The following ETNK2 variants were observed in gnomAD, a reference collection of about 807,000 sequenced individuals.
The protein encoded by ETNK2 is ethanolamine kinase 2.
ETNK2 carries 33 observed loss-of-function variants against 46.2 expected under a neutral mutation model. The ratio of observed to expected loss-of-function variants is 0.71; its 90% CI spans 0.54 to 0.96. The LOEUF is 0.96. Among genes scored for constraint, ETNK2 ranks in the 40% least tolerant of loss-of-function variants. ETNK2 has a pLI of 0.00. For synonymous variants in ETNK2, 194 were observed against 209.0 expected, an observed-to-expected ratio of 0.93 and a Z score of 0.62; for missense variants, 445 against 509.7, an observed-to-expected ratio of 0.87 and a Z score of 1.22.
At chr1:204,138,296 C>A (rs893539074) in intron 5 of ETNK2, among the ~76,000 whole-genome samples, 1 of 152,176 alleles carries the variant, frequency 6.6e-6, no homozygotes, top group Admixed American at 6.5e-5. Flanking sequence ...ATCTCCCTAG[C>A]TCTCTTCCTT....
In ETNK2 at chr1:204,134,608, G is replaced by A. The variant is rs1657209648; in HGVS notation, c.1015-20C>T. The A allele has an allele frequency of 6.2e-7, 1 of 1,614,046 alleles. No individual in the cohort carries two copies. The highest frequency in any genetic ancestry group is 8.5e-7 in the Non-Finnish European group (1 of 1,179,902). On this transcript the variant is annotated intron_variant, in intron 6 of 7. Transcript: ENST00000367202. ...AGACGCCTGGAAACAGACCAGAGAG[G>A]GTCAGCCTGGCAATCTCCCCATGCC...
At chr1:204,133,835 C>G (rs1439576524) in intron 7 of ETNK2, among the ~76,000 whole-genome samples, 1 of 152,172 alleles carries the variant, frequency 6.6e-6, no homozygotes, top group Non-Finnish European at 1.5e-5. Context: ...CCGGCCTCAC[C>G]GTGCTCTTCA....
In ETNK2 at chr1:204,131,250, AGGCCCTGGGG is replaced by A. The variant is rs1244323664; in HGVS notation, c.*924_*933del. 1.3e-5 allele frequency: 2 copies of A among 152,288 alleles called. No homozygotes were observed. The highest frequency in any genetic ancestry group is 4.8e-5 in the African/African-American group (2 of 41,406). The allele number at this position is 152,288 out of a possible 1,614,324, so 9.4% of individuals were successfully genotyped here. Reference sequence around the variant, plus strand: ...GATCCTGCCCAGGCTCTCCCACGATAGGCCCTGGGGGGCCCTGGCCCCCACCCCATCCTCT... The same window carrying A: ...GATCCTGCCCAGGCTCTCCCACGATAGGCCCTGGCCCCCACCCCATCCTCT... On this transcript the variant is annotated 3_prime_UTR_variant, in exon 8 of 8. Coordinates refer to ENST00000367202, the MANE Select transcript of ETNK2 (RefSeq NM_018208.4). This position sits in a 1 kb window ranked among gnomAD's most constrained non-coding sequence, Gnocchi z 4.3.
chr1:204,132,318 G>A, intron 7 of ETNK2, 62 bp from the exon 8 acceptor site: 1 of 1,358,646 alleles, frequency 7.4e-7, no homozygotes, highest in South Asian at 1.2e-5. Context: ...CCTGCTGGGG[G>A]TGCTGACATC....
chr1:204,131,862 A>G lies in ETNK2; in HGVS notation c.*322T>C, dbSNP rs1309119677. 2.8e-6 allele frequency: 1 copy of G among 357,380 alleles called. No homozygotes were observed. The allele number at this position is 357,380 out of a possible 1,614,324, so 22.1% of individuals were successfully genotyped here. On this transcript the variant is annotated 3_prime_UTR_variant, in exon 8 of 8. Transcript: ENST00000367202. This position sits in a 1 kb window ranked among gnomAD's most constrained non-coding sequence, Gnocchi z 4.3. ...GTAAACACACATATAAGGCAGCCCC[A>G]ATTCCAGCAGGGCCTGAGGCTGGGA...
In ETNK2 at chr1:204,132,052, G is replaced by C. The variant is rs1342976600; in HGVS notation, c.*132C>G. 6 of 750,086 alleles carry C rather than the reference G, an allele frequency of 8.0e-6. No homozygotes were observed. Among genetic ancestry groups the C allele is most frequent in the Non-Finnish European group, 1.4e-5 (6 of 425,974 alleles). The allele number at this position is 750,086 out of a possible 1,614,324, so 46.5% of individuals were successfully genotyped here. ...CCACTGGGGTCTGGCGGCAGGGACA[G>C]AGCCTTCTCCCTGGACACCCATGTG... On this transcript the variant is annotated 3_prime_UTR_variant, in exon 8 of 8. Coordinates refer to ENST00000367202, the MANE Select transcript of ETNK2 (RefSeq NM_018208.4).
chr1:204,144,345 C>CAAAAAAAAAAAAAAAAAAAAAAAAAA (rs141761706), intron 3 of ETNK2, among the ~76,000 whole-genome samples: 5 of 33,342 alleles, frequency 1.5e-4, no homozygotes, highest in Non-Finnish European at 2.0e-4. Flanking sequence ...GAATCCATCT[C>CAAAAAAAAAAAAAAAAAAAAAAAAAA]AAAAAAAAAA....
Position 204,137,266 on chromosome 1 carries a change from C to T in ETNK2, c.869-17G>A. The T allele has an allele frequency of 6.2e-7, 1 of 1,611,916 alleles. No homozygotes were observed. Among genetic ancestry groups the T allele is most frequent in the Non-Finnish European group, 8.5e-7 (1 of 1,178,764 alleles). ...CATTCACGCCTGAGGGGGAGGCAGGCCAGACAAAGTTGCTCAGAGATGGGC... is the reference window on the plus strand; with the variant it reads ...CATTCACGCCTGAGGGGGAGGCAGGTCAGACAAAGTTGCTCAGAGATGGGC... On this transcript the variant is annotated splice_polypyrimidine_tract_variant and intron_variant, in intron 5 of 7. Coordinates refer to ENST00000367202, the MANE Select transcript of ETNK2 (RefSeq NM_018208.4).
At position 204,148,569 on chromosome 1, in the gene ETNK2, G is replaced by GACAC. The variant is rs61199759; in HGVS notation, c.518+1130_518+1133dup. On this transcript the variant is annotated intron_variant, in intron 2 of 7. Coordinates refer to ENST00000367202, the MANE Select transcript of ETNK2 (RefSeq NM_018208.4). ...GTCTGTATGCCTCTCACACCCTCAAGACACACACACACACACACACACACA... is the reference window on the plus strand; with the variant it reads ...GTCTGTATGCCTCTCACACCCTCAAGACACACACACACACACACACACACACACA... Among the ~76,000 whole-genome samples, 352 of 145,324 alleles carry GACAC rather than the reference G, an allele frequency of 2.4e-3. 2 individuals carry two copies. The highest frequency in any genetic ancestry group is 3.4e-3 in the Middle Eastern group (1 of 290).
intron 3 of ETNK2, chr1:204,141,673 T>G: frequency 1.7e-6 from 1 of 572,684 alleles, no homozygotes; most frequent in Admixed American, 3.1e-5. Flanking sequence ...AGGAAGCTGA[T>G]AAAGACATGG....
At chr1:204,148,569 GACACACACACACACAC>G (rs61199759) in intron 2 of ETNK2, among the ~76,000 whole-genome samples, 2,440 of 145,314 alleles carry the variant, frequency 0.017, 60 homozygotes, top group African/African-American at 0.052. Context: ...ACACCCTCAA[GACACACACACACACAC>G]ACACACACAC....
At chr1:204,144,797 C>T (rs1657714206) in intron 3 of ETNK2, among the ~76,000 whole-genome samples, 1 of 152,178 alleles carries the variant, frequency 6.6e-6, no homozygotes, top group African/African-American at 2.4e-5. Context: ...GCAAACCCTG[C>T]TCCAGCCATC....
intron 6 of ETNK2, among the ~76,000 whole-genome samples, chr1:204,135,547 C>G (rs982845121): frequency 6.6e-6 from 1 of 152,244 alleles, no homozygotes; most frequent in Non-Finnish European, 1.5e-5. Context: ...TCTCCCATCC[C>G]ATTCCCACCC....
intron 6 of ETNK2, among the ~76,000 whole-genome samples, chr1:204,136,266 C>T (rs1024528887): frequency 6.6e-6 from 1 of 151,806 alleles, no homozygotes; most frequent in African/African-American, 2.4e-5. Flanking sequence ...GGCATGGTGG[C>T]ACACCTGTAA....
At chr1:204,143,082 CCTCT>C (rs1172422507) in intron 3 of ETNK2, 4 of 152,096 alleles carry the variant, frequency 2.6e-5, no homozygotes, top group African/African-American at 9.7e-5. Context: ...TCTGCAAAGG[CCTCT>C]CTGAGTCCAG....
At chr1:204,146,917 G>T in intron 2 of ETNK2, 153 bp from the exon 3 acceptor site, 1 of 902,768 alleles carries the variant, frequency 1.1e-6, no homozygotes, top group Non-Finnish European at 1.8e-6. Context: ...AGGAGCACAG[G>T]TCCTGCAGAA....
rs1311499772 is a variant in ETNK2 at position 204,151,381 on chromosome 1, G to C, written c.258+214C>G. ...CCACCAGGCGTGCCTAAGAGCCCCG[G>C]GAGGAGGGGGGCGTGTGCAGGGCCA... On this transcript the variant is annotated intron_variant, in intron 1 of 7. Transcript: ENST00000367202. The surrounding 1 kb of genome is among the most constrained non-coding windows in gnomAD (Gnocchi z 8.0). The C allele has an allele frequency of 2.9e-6, 2 of 680,352 alleles. No homozygotes were observed. Among genetic ancestry groups the C allele is most frequent in the African/African-American group, 1.9e-5 (1 of 51,982 alleles). The allele number at this position is 680,352 out of a possible 1,614,324, so 42.1% of individuals were successfully genotyped here. A position where few individuals can be genotyped will look rare whatever the true frequency, so the allele number is the denominator to read the frequency against.
intron 2 of ETNK2, among the ~76,000 whole-genome samples, chr1:204,149,293 G>C (rs967637324): frequency 6.6e-6 from 1 of 152,160 alleles, no homozygotes; most frequent in Non-Finnish European, 1.5e-5. Flanking sequence ...ACCCTGGATA[G>C]GGCCCATTTT....
intron 5 of ETNK2, chr1:204,138,605 G>A (rs1042117196): frequency 2.6e-5 from 4 of 152,194 alleles, no homozygotes; most frequent in African/African-American, 7.2e-5. Context: ...ATCATTGCTC[G>A]ACAGATTGAT....
Sources: gnomAD v4.1 joint callset for allele counts (sites outside exome capture counted in the v4.1 genomes callset) on GRCh38, gnomAD v4.1.1 for gene constraint, Gnocchi (gnomAD v3.1) non-coding constraint, MANE v1.5 for transcripts, NCBI Gene and HGNC (gene_info 2026-07-23, HGNC 2026-07-21) for gene names.